KIAA0753: variants seen among roughly 807,000 people sequenced by gnomAD.
KIAA0753 encodes the protein protein moonraker.
KIAA0753 carries 114 observed loss-of-function variants against 116.9 expected under a neutral mutation model. That is an observed-to-expected ratio of 0.98 (90% CI 0.84 to 1.14). The LOEUF (loss-of-function observed/expected upper bound fraction) is 1.14, where lower values mean the gene tolerates loss of function less well. Among genes scored for constraint, KIAA0753 ranks in the 50% most tolerant of loss-of-function variants. The pLI is 0.00. For missense variants in KIAA0753, 1,156 were observed against 1,172.4 expected (o/e 0.99, Z 0.20); for synonymous variants, 405 against 413.1 (o/e 0.98, Z 0.24).
intron 18 of KIAA0753, among the ~76,000 whole-genome samples, chr17:6,581,491 C>G (rs1050707993): frequency 2.0e-5 from 3 of 152,096 alleles, no homozygotes; most frequent in African/African-American, 2.4e-5. Flanking sequence ...ACTGTTTTCC[C>G]CTTTGTAATT....
intron 1 of KIAA0753, chr17:6,638,438 C>T (rs4796531): frequency 0.69 from 106,211 of 153,032 alleles, 37,752 homozygotes; most frequent in African/African-American, 0.87. Flanking sequence ...ACCCCTGCTG[C>T]GGCACACCCC....
At chr17:6,591,033 GGAAGAAGGAAGAAGAA>G (rs1266065812) in intron 16 of KIAA0753, among the ~76,000 whole-genome samples, 20 of 90,644 alleles carry the variant, frequency 2.2e-4, no homozygotes, top group East Asian at 7.6e-4. Context: ...GAAGGAAGAA[GGAAGAAGGAAGAAGAA>G]GAAGAAGAAG....
At chr17:6,618,872 AAT>A (rs1473609708) in intron 7 of KIAA0753, among the ~76,000 whole-genome samples, 26 of 152,342 alleles carry the variant, frequency 1.7e-4, no homozygotes, top group African/African-American at 6.3e-4. Flanking sequence ...AAAAAGTTCA[AAT>A]ATGTCATTAA....
At position 6,583,836 on chromosome 17, in the gene KIAA0753, T is replaced by C. The variant is rs1259853426; in HGVS notation, c.2787-3972A>G. Among the ~76,000 whole-genome samples, 72 of 152,244 alleles carry C rather than the reference T, an allele frequency of 4.7e-4. 1 individual carries two copies. Among genetic ancestry groups the C allele is most frequent in the Admixed American group, 4.7e-3 (72 of 15,290 alleles). On this transcript the variant is annotated intron_variant, in intron 18 of 18. Transcript: ENST00000361413. ...ATCTGCCGTAGGTCTGTTCTTGGTA[T>C]TGTCTTGTCCCTCTGTTGCCTGGTT...
chr17:6,579,050 GA>G lies in KIAA0753; in HGVS notation c.*696del, dbSNP rs553326440. ...TCCTCAAACTTCCTCTGAATCCAGA[GA>G]AAGTTTTTTATACCAGATTGTGTCA... On this transcript the variant is annotated 3_prime_UTR_variant, in exon 19 of 19. Coordinates refer to ENST00000361413, the MANE Select transcript of KIAA0753 (RefSeq NM_014804.3). 2.0e-5 allele frequency: 3 copies of G among 151,884 alleles called. No individual in the cohort carries two copies. The highest frequency in any genetic ancestry group is 4.4e-5 in the Non-Finnish European group (3 of 67,896). The allele number at this position is 151,884 out of a possible 1,614,324, so 9.4% of individuals were successfully genotyped here.
rs371142346 is a variant in KIAA0753, at chr17:6,628,415, G to A, written c.420C>T (p.Pro140=). The part of the protein sequence containing the change: ...QKCGHTKYKI[P]DHRVERKESK... ...ATTCCTTCCTTTCCACCCTGTGGTC[G>A]GGTATTTTATACTTAGTATGTCCAC... is the stretch of plus-strand genomic sequence containing the variant. The change falls in exon 3 of 19, where the codon CCC becomes CCT. Residue 140 remains proline (P), a synonymous_variant. Coordinates refer to ENST00000361413, the MANE Select transcript of KIAA0753 (RefSeq NM_014804.3). The A allele has an allele frequency of 2.8e-5, 45 of 1,614,038 alleles. No homozygotes were observed. Among genetic ancestry groups the A allele is most frequent in the South Asian group, 8.8e-5 (8 of 91,080 alleles).
At chr17:6,623,838 ACT>A (rs1260169525) in intron 4 of KIAA0753, 1 of 310,982 alleles carries the variant, frequency 3.2e-6, no homozygotes, top group Admixed American at 5.1e-5. Context: ...GGTGGAGGTG[ACT>A]CTGGAAATGT....
intron 12 of KIAA0753, among the ~76,000 whole-genome samples, chr17:6,604,254 T>A (rs1227971876): frequency 1.3e-5 from 2 of 151,792 alleles, no homozygotes; most frequent in Non-Finnish European, 1.5e-5. Flanking sequence ...GTTCTTTTTT[T>A]TTTTTGAGAC....
At chr17:6,637,178 C>T (rs1972380798) in intron 1 of KIAA0753, 1 of 152,468 alleles carries the variant, frequency 6.6e-6, no homozygotes, top group African/African-American at 2.4e-5. Flanking sequence ...GAGACACCCA[C>T]GTCCGCTTCT....
intron 4 of KIAA0753, 74 bp from the exon 5 acceptor site, chr17:6,623,645 T>C: frequency 6.5e-7 from 1 of 1,544,174 alleles, no homozygotes; most frequent in Non-Finnish European, 8.7e-7. Context: ...GATGCATCGA[T>C]ATATCTCCTC....
chr17:6,590,432 G>A (rs1204728516), intron 17 of KIAA0753, 78 bp downstream of exon 17: 3 of 1,542,468 alleles, frequency 1.9e-6, no homozygotes, highest in Non-Finnish European at 1.8e-6. Flanking sequence ...TGTCTTATGG[G>A]AACTGAAAGA....
intron 14 of KIAA0753, among the ~76,000 whole-genome samples, chr17:6,596,993 T>C (rs1446365183): frequency 1.3e-5 from 2 of 152,254 alleles, no homozygotes; most frequent in African/African-American, 2.4e-5. Context: ...GGCAATAGGA[T>C]GAAATATTTC....
rs184896800 is a variant in KIAA0753, at chr17:6,623,227, T to A, written c.889-130A>T. The A allele has an allele frequency of 3.2e-6, 3 of 939,698 alleles. No homozygotes were observed. In the Admixed American group the frequency reaches 8.2e-5, roughly 26 times the overall value. 58.2% of individuals were successfully genotyped at this position (939,698 alleles called of 1,614,324 possible). Reference sequence around the variant, plus strand: ...GCTTTCTATTGTGAAAACTTTTTCATAGTAAAGGGAGTTGTAAAGTTTAAA... The same window carrying A: ...GCTTTCTATTGTGAAAACTTTTTCAAAGTAAAGGGAGTTGTAAAGTTTAAA... On this transcript the variant is annotated intron_variant, in intron 5 of 18. Transcript: ENST00000361413.
chr17:6,608,148 T>C (rs1220774306), intron 10 of KIAA0753, among the ~76,000 whole-genome samples, 200 bp downstream of exon 10: 1 of 152,068 alleles, frequency 6.6e-6, no homozygotes, highest in African/African-American at 2.4e-5. Flanking sequence ...TAAGAAAAAA[T>C]AGAAGAGCTC....
At chr17:6,582,413 G>A (rs1968245094) in intron 18 of KIAA0753, among the ~76,000 whole-genome samples, 2 of 152,200 alleles carry the variant, frequency 1.3e-5, no homozygotes, top group African/African-American at 4.8e-5. Flanking sequence ...CATCCCTGTT[G>A]ACTAAGGGGA....
intron 16 of KIAA0753, among the ~76,000 whole-genome samples, chr17:6,594,738 C>G (rs1969342121): frequency 6.6e-6 from 1 of 151,980 alleles, no homozygotes; most frequent in African/African-American, 2.4e-5. Context: ...AATAAGCATG[C>G]TGAATATTTA....
chr17:6,606,295 A>G (rs1221592943), intron 12 of KIAA0753, among the ~76,000 whole-genome samples: 1 of 152,210 alleles, frequency 6.6e-6, no homozygotes, highest in South Asian at 2.1e-4. Context: ...AGATGTTTCA[A>G]TGAGTGTTCT....
At chr17:6,607,818 T>C (rs952007374) in intron 10 of KIAA0753, among the ~76,000 whole-genome samples, 2 of 152,228 alleles carry the variant, frequency 1.3e-5, no homozygotes, top group Non-Finnish European at 2.9e-5. Flanking sequence ...TCTCTTCTTA[T>C]GGAATGTTCT....
At position 6,600,409 on chromosome 17, in the gene KIAA0753, G is replaced by A. The variant is rs1368140585; in HGVS notation, c.2059C>T (p.Arg687Cys). The stretch of plus-strand genomic sequence containing the variant: ...GCCTTGACCAAGAGAGGCTTCAAAC[G>A]ATCCAGAACTGCCTCCTCTACCTTG... Reference protein sequence around the residue: ...ADKVEEAVLDRLKPLLVKAQR... With the variant: ...ADKVEEAVLDCLKPLLVKAQR... The change falls in exon 13 of 19, where the codon CGT (arginine) becomes TGT (cysteine). Residue 687 changes from arginine to cysteine, a missense_variant. Transcript: ENST00000361413. 6 of 1,613,826 alleles carry A rather than the reference G, an allele frequency of 3.7e-6. No homozygotes were observed. The highest frequency in any genetic ancestry group is 1.3e-5 in the African/African-American group (1 of 75,014).
Sources: gnomAD v4.1 joint callset for allele counts (sites outside exome capture counted in the v4.1 genomes callset) on GRCh38, gnomAD v4.1.1 for gene constraint, MANE v1.5 for transcripts, NCBI Gene and HGNC (gene_info 2026-07-23, HGNC 2026-07-21) for gene names.